MICU3: variants seen among roughly 807,000 people sequenced by gnomAD.
MICU3 encodes calcium uptake protein 3, mitochondrial.
MICU3 carries 62 observed loss-of-function variants against 66.5 expected under a neutral mutation model. The ratio of observed to expected loss-of-function variants is 0.93; its 90% CI spans 0.76 to 1.15. The LOEUF is 1.15. Ranked by LOEUF, MICU3 falls within the 50% of genes most tolerant of loss-of-function variation. The probability of loss-of-function intolerance (pLI) is 0.00; values close to 1 mark genes in which losing one functional copy is unlikely to be tolerated. For synonymous variants in MICU3, 308 were observed against 240.7 expected (o/e 1.28, Z -2.59); for missense variants, 779 against 664.4 (o/e 1.17, Z -1.90).
intron 8 of MICU3, among the ~76,000 whole-genome samples, chr8:17,097,939 C>T (rs1182905936): frequency 6.6e-6 from 1 of 151,748 alleles, no homozygotes; most frequent in Non-Finnish European, 1.5e-5. Flanking sequence ...AGTGCTTTGA[C>T]TTAAAACAGG....
intron 1 of MICU3, among the ~76,000 whole-genome samples, chr8:17,047,717 G>C (rs1359818346): frequency 6.6e-6 from 1 of 152,042 alleles, no homozygotes; most frequent in Admixed American, 6.6e-5. Flanking sequence ...TCTATACCTC[G>C]GTAAGTTATT....
At chr8:17,053,141 T>C (rs1816375615) in intron 1 of MICU3, among the ~76,000 whole-genome samples, 1 of 152,170 alleles carries the variant, frequency 6.6e-6, no homozygotes, top group Non-Finnish European at 1.5e-5. Context: ...TTAATTCTTC[T>C]TTCATTGTTC....
intron 2 of MICU3, among the ~76,000 whole-genome samples, chr8:17,067,430 A>ATT (rs148975949): frequency 4.1e-5 from 6 of 146,450 alleles, no homozygotes; most frequent in African/African-American, 5.0e-5. Flanking sequence ...CATAGCCATG[A>ATT]TTTTTTTTTT....
chr8:17,102,142 C>T (rs1801317617), intron 9 of MICU3, among the ~76,000 whole-genome samples: 1 of 151,758 alleles, frequency 6.6e-6, no homozygotes, highest in South Asian at 2.1e-4. Context: ...GTGAAGCAAG[C>T]AACTTTTTCA....
downstream of MICU3, among the ~76,000 whole-genome samples, chr8:17,126,396 A>G (rs1414023378): frequency 1.3e-5 from 2 of 151,628 alleles, no homozygotes; most frequent in Admixed American, 1.3e-4. Context: ...ACCTATACTG[A>G]AAAAAAAATT....
intron 13 of MICU3, among the ~76,000 whole-genome samples, chr8:17,117,388 C>T (rs987922684): frequency 3.9e-5 from 6 of 151,954 alleles, no homozygotes; most frequent in Admixed American, 6.6e-5. Context: ...ATTTTTTTAT[C>T]GAAATCTTAC....
intron 1 of MICU3, among the ~76,000 whole-genome samples, chr8:17,035,214 A>G (rs62503720): frequency 1.3e-5 from 2 of 152,092 alleles, no homozygotes; most frequent in African/African-American, 2.4e-5. Flanking sequence ...TTTCCTTTAT[A>G]CATTACCCAG....
At chr8:17,138,161 A>G in the MICU3 span, among the ~76,000 whole-genome samples, 3 of 152,144 alleles carry the variant, frequency 2.0e-5, no homozygotes, top group Admixed American at 6.6e-5. Context: ...TTGATGTTTA[A>G]AGAGTTATGA....
Position 17,104,428 on chromosome 8 carries a change from C to T in MICU3, c.1022C>T (p.Thr341Ile). Residue 341 changes from threonine (T) to isoleucine (I), a missense_variant, in exon 10 of 15, where the codon ACA becomes ATA. Transcript: ENST00000318063. ...ATCACAAGTTTAGTAACAGATACTA[C>T]ACTTCTTGTACACTTTTTTGGAAAG... ...DDITSLVTDT[T>I]LLVHFFGKKG... The T allele has an allele frequency of 1.4e-6, 2 of 1,458,916 alleles. No individual in the cohort carries two copies. The highest frequency in any genetic ancestry group is 1.8e-6 in the Non-Finnish European group (2 of 1,084,372). 90.4% of individuals were successfully genotyped at this position (1,458,916 alleles called of 1,614,324 possible).
the MICU3 span, among the ~76,000 whole-genome samples, chr8:17,133,221 A>G: frequency 6.6e-6 from 1 of 152,190 alleles, no homozygotes. Flanking sequence ...TGATGGGGAA[A>G]GTGCACTATC....
intron 11 of MICU3, among the ~76,000 whole-genome samples, chr8:17,107,204 T>C (rs991568203): frequency 6.6e-6 from 1 of 152,026 alleles, no homozygotes; most frequent in Admixed American, 6.6e-5. Context: ...ATAAATGTTA[T>C]GAAAGGGAGC....
chr8:17,086,929 T>C, intron 6 of MICU3, 35 bp from the exon 7 acceptor site: 1 of 1,438,894 alleles, frequency 6.9e-7, no homozygotes, highest in Non-Finnish European at 9.8e-7. Context: ...GAAACTCTTG[T>C]TGGATATTTG....
chr8:17,071,212 A>G (rs538242346), intron 3 of MICU3, among the ~76,000 whole-genome samples: 4 of 152,280 alleles, frequency 2.6e-5, no homozygotes, highest in Non-Finnish European at 5.9e-5. Context: ...AGTATAGTAT[A>G]CTAGGGCTGC....
At chr8:17,135,258 G>C in the MICU3 span, among the ~76,000 whole-genome samples, 1 of 152,088 alleles carries the variant, frequency 6.6e-6, no homozygotes, top group African/African-American at 2.4e-5. Context: ...AATTAGCCAG[G>C]TGTGATGGTG....
At chr8:17,052,261 A>G (rs568802011) in intron 1 of MICU3, among the ~76,000 whole-genome samples, 21 of 152,200 alleles carry the variant, frequency 1.4e-4, no homozygotes, top group African/African-American at 4.6e-4. Context: ...TGGGGTGTGT[A>G]TGATATTTTG....
At chr8:17,048,501 C>T (rs1237845903) in intron 1 of MICU3, among the ~76,000 whole-genome samples, 3 of 152,264 alleles carry the variant, frequency 2.0e-5, no homozygotes, top group East Asian at 3.9e-4. Context: ...GAAAGACCCA[C>T]CCCCATGATT....
chr8:17,089,562 G>T (rs755142663), intron 7 of MICU3, among the ~76,000 whole-genome samples: 1 of 152,034 alleles, frequency 6.6e-6, no homozygotes, highest in Non-Finnish European at 1.5e-5. Flanking sequence ...AACTTATTGT[G>T]AAAATATATG....
At position 17,027,645 on chromosome 8, in the gene MICU3, G is replaced by T. The variant is rs1177287869; in HGVS notation, c.366G>T (p.Ala122=). Reference sequence around the variant, plus strand: ...GGGGGATGCTGCCCATCCCAGTGGCGGCTGCCAAGGAGACGGTGAGTGCGC... The same window carrying T: ...GGGGGATGCTGCCCATCCCAGTGGCTGCTGCCAAGGAGACGGTGAGTGCGC... ...RGRGMLPIPV[A]AAKETVAIGR... Residue 122 remains alanine (A), a synonymous_variant, in exon 1 of 15, where the codon GCG becomes GCT. Transcript: ENST00000318063. 1 of 1,301,484 alleles carries T rather than the reference G, an allele frequency of 7.7e-7. No individual in the cohort carries two copies. Among genetic ancestry groups the T allele is most frequent in the Non-Finnish European group, 9.7e-7 (1 of 1,028,138 alleles). 80.6% of individuals were successfully genotyped at this position (1,301,484 alleles called of 1,614,324 possible).
chr8:17,082,639 A>G (rs542951518), intron 5 of MICU3, among the ~76,000 whole-genome samples: 1 of 152,268 alleles, frequency 6.6e-6, no homozygotes, highest in East Asian at 1.9e-4. Flanking sequence ...TAGTGAATGA[A>G]TGAAGAAAGG....
Sources: allele counts gnomAD v4.1 joint callset (sites outside exome capture counted in the v4.1 genomes callset), GRCh38; gene constraint gnomAD v4.1.1; transcripts MANE v1.5; gene names NCBI Gene and HGNC (gene_info 2026-07-23, HGNC 2026-07-21).